The following AKAP13 variants were observed in gnomAD, a reference collection of about 807,000 sequenced individuals.
The protein encoded by AKAP13 is A-kinase anchor protein 13.
AKAP13 carries 80 observed loss-of-function variants against 264.5 expected under a neutral mutation model. That is an observed-to-expected ratio of 0.30 (90% CI 0.25 to 0.36). AKAP13 has a LOEUF of 0.36. AKAP13 is among the 10% of genes least tolerant of loss of function. The pLI is 1.00. For missense variants in AKAP13, 3,712 were observed against 3,435.2 expected (o/e 1.08, Z -2.01); for synonymous variants, 1,380 against 1,250.2 (o/e 1.10, Z -2.19).
At chr15:85,673,038 G>T (rs1489303667) in intron 14 of AKAP13, among the ~76,000 whole-genome samples, 1 of 152,136 alleles carries the variant, frequency 6.6e-6, no homozygotes, top group Non-Finnish European at 1.5e-5. Context: ...TCCTTCTAAA[G>T]AAATTATTAG....
chr15:85,454,010 C>A (rs779311810), intron 1 of AKAP13, among the ~76,000 whole-genome samples: 30 of 152,226 alleles, frequency 2.0e-4, no homozygotes, highest in Non-Finnish European at 3.7e-4. Flanking sequence ...TGGTGGCCCA[C>A]CTCTTCCCCT....
chr15:85,556,381 A>T (rs946984430), intron 5 of AKAP13, among the ~76,000 whole-genome samples: 2 of 152,228 alleles, frequency 1.3e-5, no homozygotes, highest in Non-Finnish European at 2.9e-5. Context: ...CAGCCGTAAC[A>T]TCATTGAGTG....
chr15:85,487,317 A>G (rs747685104), intron 2 of AKAP13, among the ~76,000 whole-genome samples: 2 of 152,198 alleles, frequency 1.3e-5, no homozygotes, highest in Non-Finnish European at 2.9e-5. Context: ...TGGTGAGCGC[A>G]AACATCCTTG....
chr15:85,603,014 G>T (rs2080161500), intron 8 of AKAP13, among the ~76,000 whole-genome samples: 1 of 152,164 alleles, frequency 6.6e-6, no homozygotes, highest in Non-Finnish European at 1.5e-5. Context: ...AGGCTTTCCA[G>T]AATTTTCATT....
At chr15:85,539,202 GT>G (rs1054488275) in intron 4 of AKAP13, among the ~76,000 whole-genome samples, 1 of 151,400 alleles carries the variant, frequency 6.6e-6, no homozygotes, top group African/African-American at 2.4e-5. Context: ...ACTGCTAGTG[GT>G]TTTTTTTTCC....
chr15:85,546,513 A>G (rs1396650057), intron 5 of AKAP13, among the ~76,000 whole-genome samples: 3 of 152,196 alleles, frequency 2.0e-5, no homozygotes, highest in Non-Finnish European at 4.4e-5. Flanking sequence ...TGAAGATAAC[A>G]AGGTGGTATG....
chr15:85,381,382 G>A (rs1260581913), intron 1 of AKAP13, among the ~76,000 whole-genome samples: 1 of 151,934 alleles, frequency 6.6e-6, no homozygotes, highest in Non-Finnish European at 1.5e-5. Flanking sequence ...GACCCGCGCG[G>A]GTCGCAGGCG....
Position 85,727,267 on chromosome 15 carries a change from C to T in AKAP13, c.7004+20C>T, listed in dbSNP as rs201614398. On this transcript the variant is annotated intron_variant, in intron 28 of 36. Coordinates refer to ENST00000394518, the MANE Select transcript of AKAP13 (RefSeq NM_007200.5). This position sits in a 1 kb window ranked among gnomAD's most constrained non-coding sequence, Gnocchi z 5.3. Reference sequence around the variant, plus strand: ...CACCCTGTAAGTTAACCACCAGGCCCCACCCTTCCCAGCCCTCCTGATGTC... The same window carrying T: ...CACCCTGTAAGTTAACCACCAGGCCTCACCCTTCCCAGCCCTCCTGATGTC... 2.5e-6 allele frequency: 4 copies of T among 1,613,818 alleles called. No homozygotes were observed. The highest frequency in any genetic ancestry group is 1.7e-6 in the Non-Finnish European group (2 of 1,179,818).
chr15:85,638,474 T>C (rs945781302), intron 8 of AKAP13, among the ~76,000 whole-genome samples: 5 of 152,192 alleles, frequency 3.3e-5, no homozygotes, highest in Non-Finnish European at 7.3e-5. Context: ...GAGTGTTCTA[T>C]ATTGTGTTAG....
chr15:85,599,421 C>T (rs942960665), intron 8 of AKAP13, among the ~76,000 whole-genome samples: 2 of 152,158 alleles, frequency 1.3e-5, no homozygotes, highest in African/African-American at 4.8e-5. Context: ...GTCATAGCCC[C>T]ACAGGTTTCT....
In AKAP13 at chr15:85,719,322, A is replaced by G; in HGVS notation, c.6248A>G (p.Asn2083Ser). The G allele has an allele frequency of 6.2e-7, 1 of 1,614,152 alleles. No homozygotes were observed. The highest frequency in any genetic ancestry group is 2.2e-5 in the East Asian group (1 of 44,880). The change falls in exon 23 of 37, where the codon AAT becomes AGT. Residue 2083 changes from asparagine (N) to serine (S), a missense_variant. Asn to Ser is a conservative substitution (Grantham distance 46). Transcript: ENST00000394518. Reference sequence around the variant, plus strand: ...AAGAGGATAGGGGATGTGCTTGTAAATCAGGTGAGAATGGGAAGGATCTCA... The same window carrying G: ...AAGAGGATAGGGGATGTGCTTGTAAGTCAGGTGAGAATGGGAAGGATCTCA... ...LIKRIGDVLV[N>S]QFSGENAERL...
At chr15:85,486,450 A>T (rs988631350) in intron 2 of AKAP13, among the ~76,000 whole-genome samples, 1 of 152,130 alleles carries the variant, frequency 6.6e-6, no homozygotes, top group Admixed American at 6.5e-5. Flanking sequence ...GAAGAGTCCA[A>T]CTTTTTTCTT....
chr15:85,631,794 A>G (rs371263062), intron 8 of AKAP13, among the ~76,000 whole-genome samples: 2 of 152,166 alleles, frequency 1.3e-5, no homozygotes, highest in African/African-American at 2.4e-5. Flanking sequence ...AGTTATTTCT[A>G]CTTTTTATGT....
At chr15:85,619,059 A>G (rs1473218839) in intron 8 of AKAP13, among the ~76,000 whole-genome samples, 1 of 152,132 alleles carries the variant, frequency 6.6e-6, no homozygotes, top group Admixed American at 6.5e-5. Flanking sequence ...GGTGTTTAGT[A>G]TAACACCCCC....
intron 1 of AKAP13, among the ~76,000 whole-genome samples, chr15:85,388,028 A>G (rs1567032957): frequency 8.0e-6 from 1 of 125,758 alleles, no homozygotes; most frequent in South Asian, 2.9e-4. Context: ...CACTTTGTAT[A>G]CTTTCATTTC....
chr15:85,421,752 A>G (rs944500414), intron 1 of AKAP13, among the ~76,000 whole-genome samples: 5 of 152,260 alleles, frequency 3.3e-5, no homozygotes, highest in African/African-American at 1.2e-4. Flanking sequence ...AGGCGACAGA[A>G]GGGACTTTCT....
intron 10 of AKAP13, among the ~76,000 whole-genome samples, chr15:85,653,431 C>T (rs903780380): frequency 5.3e-5 from 8 of 152,072 alleles, no homozygotes; most frequent in African/African-American, 1.9e-4. Flanking sequence ...TCTCTCATTC[C>T]CATACATTAC....
intron 1 of AKAP13, among the ~76,000 whole-genome samples, chr15:85,419,220 A>C (rs778830105): frequency 6.6e-6 from 1 of 152,224 alleles, no homozygotes; most frequent in African/African-American, 2.4e-5. Flanking sequence ...GTACTTTGCA[A>C]ACTTCTTTGT....
Position 85,429,675 on chromosome 15 carries a change from G to T in AKAP13, c.-12+48877G>T, listed in dbSNP as rs542366842. On this transcript the variant is annotated intron_variant, in intron 1 of 36. Transcript: ENST00000394518. ...ACCAAACCATTGGCTGTTCAGAGTG[G>T]GGAAGAGAGCACAAATCTGCATAGT... is the stretch of plus-strand genomic sequence containing the variant. 7.2e-5 allele frequency among the ~76,000 whole-genome samples: 11 copies of T among 152,238 alleles called. No homozygotes were observed. In the South Asian group the frequency reaches 2.3e-3, roughly 32 times the overall value.
Sources: gnomAD v4.1 joint callset for allele counts (sites outside exome capture counted in the v4.1 genomes callset) on GRCh38, gnomAD v4.1.1 for gene constraint, Gnocchi (gnomAD v3.1) non-coding constraint, MANE v1.5 for transcripts, NCBI Gene and HGNC (gene_info 2026-07-23, HGNC 2026-07-21) for gene names.